The following APP variants were observed in gnomAD, a reference collection of about 807,000 sequenced individuals.
APP encodes amyloid-beta precursor protein.
In APP, 31 loss-of-function variants were observed where a neutral mutation model predicts 101.4. That is an observed-to-expected ratio of 0.31 (90% CI 0.23 to 0.41). The LOEUF is 0.41. APP is among the 10% of genes least tolerant of loss of function. The probability of loss-of-function intolerance (pLI) is 1.00; values close to 1 mark genes in which losing one functional copy is unlikely to be tolerated. For missense variants in APP, 839 were observed against 1,003.7 expected (o/e 0.84, Z 2.22); for synonymous variants, 366 against 364.4 (o/e 1.00, Z -0.05).
intron 1 of APP, chr21:26,140,203 G>T: frequency 6.5e-7 from 1 of 1,536,094 alleles, no homozygotes. Flanking sequence ...ATTTGAATCT[G>T]GGGAAGAGCT....
At chr21:26,079,665 G>A (rs2061557968) in intron 3 of APP, among the ~76,000 whole-genome samples, 1 of 152,164 alleles carries the variant, frequency 6.6e-6, no homozygotes, top group African/African-American at 2.4e-5. Context: ...AGCCTCTAAA[G>A]GCATTTTTGT....
chr21:25,958,414 C>T (rs1478316287), intron 11 of APP, among the ~76,000 whole-genome samples: 2 of 152,106 alleles, frequency 1.3e-5, no homozygotes, highest in Admixed American at 6.5e-5. Context: ...GTAGCTGGGA[C>T]TACAGGCACG....
chr21:26,084,712 G>A (rs2061669341), intron 3 of APP, among the ~76,000 whole-genome samples: 1 of 152,154 alleles, frequency 6.6e-6, no homozygotes, highest in Admixed American at 6.5e-5. Flanking sequence ...AAAAAATTAA[G>A]GAAGATCAAG....
intron 13 of APP, among the ~76,000 whole-genome samples, chr21:25,914,633 A>C (rs1204113465): frequency 7.0e-6 from 1 of 143,528 alleles, no homozygotes; most frequent in East Asian, 2.0e-4. Flanking sequence ...GGCTCACTGC[A>C]AGCTCCGCCT....
At chr21:26,118,847 A>G (rs1025139983) in intron 1 of APP, among the ~76,000 whole-genome samples, 1 of 152,112 alleles carries the variant, frequency 6.6e-6, no homozygotes, top group East Asian at 1.9e-4. Context: ...GCCTGTCTTT[A>G]AAGTTTTACT....
At chr21:26,126,310 A>T (rs1003879433) in intron 1 of APP, among the ~76,000 whole-genome samples, 4 of 152,230 alleles carry the variant, frequency 2.6e-5, no homozygotes, top group African/African-American at 9.6e-5. Context: ...CTAAAATGTT[A>T]CGTGCATGGC....
chr21:25,967,424 A>C (rs2041838007), intron 11 of APP, among the ~76,000 whole-genome samples: 1 of 152,218 alleles, frequency 6.6e-6, no homozygotes, highest in Non-Finnish European at 1.5e-5. Context: ...AATCATGATA[A>C]CTGTCTGATG....
At chr21:26,114,593 G>A (rs1302161489) in intron 1 of APP, among the ~76,000 whole-genome samples, 1 of 152,162 alleles carries the variant, frequency 6.6e-6, no homozygotes, top group Non-Finnish European at 1.5e-5. Context: ...TGTGAGGGAG[G>A]TCATCAGCTG....
intron 17 of APP, among the ~76,000 whole-genome samples, chr21:25,886,224 T>C (rs915113218): frequency 6.6e-6 from 1 of 152,110 alleles, no homozygotes; most frequent in Non-Finnish European, 1.5e-5. Flanking sequence ...TAGTGACTTA[T>C]CCCTCGTAAC....
intron 1 of APP, among the ~76,000 whole-genome samples, chr21:26,167,506 G>C (rs555841354): frequency 6.6e-6 from 1 of 152,276 alleles, no homozygotes; most frequent in South Asian, 2.1e-4. Flanking sequence ...CACGTGAAAT[G>C]CAAGTAATAG....
intron 3 of APP, among the ~76,000 whole-genome samples, chr21:26,080,977 T>A (rs1468638002): frequency 6.6e-6 from 1 of 152,110 alleles, no homozygotes; most frequent in Non-Finnish European, 1.5e-5. Context: ...CAACAATATG[T>A]TATACTGAGA....
At chr21:26,075,266 G>A (rs1212803566) in intron 3 of APP, among the ~76,000 whole-genome samples, 1 of 152,058 alleles carries the variant, frequency 6.6e-6, no homozygotes, top group African/African-American at 2.4e-5. Context: ...CTCAATTATC[G>A]AAGAGCTTAC....
intron 3 of APP, among the ~76,000 whole-genome samples, chr21:26,071,398 G>A (rs2061408999): frequency 6.6e-6 from 1 of 152,120 alleles, no homozygotes; most frequent in Non-Finnish European, 1.5e-5. Flanking sequence ...AGCATTCCAA[G>A]CAAGCAGAAA....
chr21:25,975,149 C>G lies in APP; in HGVS notation c.1379G>C (p.Arg460Thr). 6.2e-7 allele frequency: 1 copy of G among 1,614,132 alleles called. No homozygotes were observed. Among genetic ancestry groups the G allele is most frequent in the Non-Finnish European group, 8.5e-7 (1 of 1,180,004 alleles). ...RQQLVETHMA[R>T]VEAMLNDRRR... ...GCGGTCATTGAGCATGGCTTCCACT[C>G]TGGCCATGTGTGTCTCCACCAGCTG... Residue 460 changes from arginine to threonine, a missense_variant, in exon 11 of 18, where the codon AGA becomes ACA. Arg to Thr is a moderately conservative substitution (Grantham distance 71). Transcript: ENST00000346798.
chr21:26,094,114 C>CA (rs539941515), intron 2 of APP, among the ~76,000 whole-genome samples: 4,291 of 72,930 alleles, frequency 0.059, 128 homozygotes, highest in East Asian at 0.26. Context: ...GACTCGGTCT[C>CA]AAAAAAAAAA....
intron 13 of APP, among the ~76,000 whole-genome samples, chr21:25,929,974 C>G (rs2040071280): frequency 1.3e-5 from 2 of 152,144 alleles, no homozygotes; most frequent in African/African-American, 4.8e-5. Flanking sequence ...CTGATAAAGC[C>G]AAGCCCTTAC....
At chr21:26,144,970 C>A (rs1283245433) in intron 1 of APP, among the ~76,000 whole-genome samples, 1 of 152,160 alleles carries the variant, frequency 6.6e-6, no homozygotes, top group Non-Finnish European at 1.5e-5. Context: ...ACTGAAATGA[C>A]CTAGTTTTAT....
chr21:25,904,152 G>C (rs2146293132), intron 15 of APP, among the ~76,000 whole-genome samples: 1 of 152,286 alleles, frequency 6.6e-6, no homozygotes, highest in Admixed American at 6.5e-5. Context: ...TGTGTTATTT[G>C]GGATTAAAAT....
chr21:26,165,696 TGA>T (rs1464685058), intron 1 of APP, among the ~76,000 whole-genome samples: 1 of 152,228 alleles, frequency 6.6e-6, no homozygotes, highest in Non-Finnish European at 1.5e-5. Flanking sequence ...TAAGATACTG[TGA>T]GTCTCGCAAG....
Sources: gnomAD v4.1 joint callset for allele counts (sites outside exome capture counted in the v4.1 genomes callset) on GRCh38, gnomAD v4.1.1 for gene constraint, MANE v1.5 for transcripts, NCBI Gene and HGNC (gene_info 2026-07-23, HGNC 2026-07-21) for gene names.